Variants in LRP6 observed in about 807,000 individuals in gnomAD.
LRP6 encodes the protein LDL receptor related protein 6, also known as low-density lipoprotein receptor-related protein 6.
A neutral mutation model predicts 184.1 loss-of-function variants in LRP6; 43 were observed. The observed-to-expected ratio is 0.23, with a 90% CI of 0.18 to 0.30. The LOEUF (loss-of-function observed/expected upper bound fraction) is 0.30. LRP6 is among the 10% of genes least tolerant of loss of function. The pLI is 1.00. For synonymous variants in LRP6, 719 were observed against 684.9 expected (o/e 1.05, Z -0.78); for missense variants, 1,571 against 2,005.3 (o/e 0.78, Z 4.14).
chr12:12,160,413 T>C (rs992878803), intron 10 of LRP6, among the ~76,000 whole-genome samples: 1 of 152,234 alleles, frequency 6.6e-6, no homozygotes, highest in Non-Finnish European at 1.5e-5. Context: ...TGTAATCAAC[T>C]CTTCCTCAAA....
intron 1 of LRP6, among the ~76,000 whole-genome samples, chr12:12,248,257 C>A (rs144386224): frequency 1.3e-5 from 2 of 152,050 alleles, no homozygotes; most frequent in African/African-American, 4.8e-5. Flanking sequence ...AGGTTCCTTG[C>A]TATTGTTTTG....
At chr12:12,209,491 C>A (rs755801818) in intron 2 of LRP6, among the ~76,000 whole-genome samples, 16 of 152,088 alleles carry the variant, frequency 1.1e-4, no homozygotes, top group Non-Finnish European at 2.2e-4. Context: ...AGGCATTTGT[C>A]AGATGAGAAC....
chr12:12,121,655 C>T (rs935519281), intron 22 of LRP6, among the ~76,000 whole-genome samples: 1 of 152,118 alleles, frequency 6.6e-6, no homozygotes, highest in East Asian at 1.9e-4. Context: ...GATGGGAATG[C>T]AGAGGTGAAT....
intron 7 of LRP6, among the ~76,000 whole-genome samples, chr12:12,170,911 G>A (rs1863019318): frequency 6.6e-6 from 1 of 151,730 alleles, no homozygotes; most frequent in African/African-American, 2.4e-5. Flanking sequence ...TAAGAGGTTA[G>A]TTAGAAGGAG....
At chr12:12,248,112 T>C (rs1030886061) in intron 1 of LRP6, among the ~76,000 whole-genome samples, 2 of 152,146 alleles carry the variant, frequency 1.3e-5, no homozygotes, top group Non-Finnish European at 2.9e-5. Context: ...CCTTACCTTG[T>C]CCTCAGTCTC....
At chr12:12,196,912 C>T (rs952402019) in intron 3 of LRP6, among the ~76,000 whole-genome samples, 6 of 152,100 alleles carry the variant, frequency 3.9e-5, no homozygotes, top group South Asian at 2.1e-4. Flanking sequence ...TAGACCCATT[C>T]GTTCACCAAA....
intron 2 of LRP6, among the ~76,000 whole-genome samples, chr12:12,232,645 T>G (rs1331217856): frequency 1.4e-5 from 2 of 146,714 alleles, no homozygotes; most frequent in African/African-American, 5.0e-5. Flanking sequence ...AACAACTTGA[T>G]AGAGATTATA....
At position 12,164,645 on chromosome 12, in the gene LRP6, C is replaced by T. The variant is rs1188005591; in HGVS notation, c.1763-83G>A. 25 of 1,373,746 alleles carry T rather than the reference C, an allele frequency of 1.8e-5. 1 individual carries two copies. Among genetic ancestry groups the T allele is most frequent in the South Asian group, 1.1e-4 (9 of 83,438 alleles). The allele number at this position is 1,373,746 out of a possible 1,614,324, so 85.1% of individuals were successfully genotyped here. The stretch of plus-strand genomic sequence containing the variant: ...TATTTTCACTTTTAAATTACTTAAG[C>T]GTTTGGTTCACAAATGCCTATGATT... On this transcript the variant is annotated intron_variant, in intron 8 of 22. Transcript: ENST00000261349.
intron 12 of LRP6, chr12:12,155,857 G>T (rs1026952152): frequency 3.0e-5 from 19 of 635,286 alleles, no homozygotes; most frequent in Non-Finnish European, 5.3e-5. Flanking sequence ...AAAGCTGTTG[G>T]GTAAAACAGC....
chr12:12,181,563 T>C, intron 5 of LRP6, 124 bp from the exon 6 acceptor site: 1 of 696,636 alleles, frequency 1.4e-6, no homozygotes, highest in Non-Finnish European at 2.5e-6. Flanking sequence ...CAAAAGGATG[T>C]GCACTCTCTT....
At chr12:12,194,268 A>C (rs1863694269) in intron 3 of LRP6, among the ~76,000 whole-genome samples, 1 of 152,048 alleles carries the variant, frequency 6.6e-6, no homozygotes. Context: ...CTTTTTTAAA[A>C]AATAAAGCCA....
Position 12,162,198 on chromosome 12 carries a change from G to C in LRP6, c.2274C>G (p.Ala758=). Residue 758 remains alanine (A), a synonymous_variant, in exon 10 of 23, where the codon GCC becomes GCG. Transcript: ENST00000261349. ...DSPRALALDP[A]EGFMYWTEWG... ...GCACATGTAAAGCTGTTTACCCTTC[G>C]GCAGGGTCCAACGCGAGAGCTCTGG... 2.5e-6 allele frequency: 4 copies of C among 1,613,666 alleles called. No individual in the cohort carries two copies. The highest frequency in any genetic ancestry group is 3.4e-6 in the Non-Finnish European group (4 of 1,179,654).
intron 7 of LRP6, among the ~76,000 whole-genome samples, chr12:12,179,411 G>GATATAGATATAGAT (rs1283137397): frequency 2.3e-5 from 2 of 86,170 alleles, no homozygotes; most frequent in African/African-American, 6.2e-5. Flanking sequence ...TATAGATATA[G>GATATAGATATAGAT]ATATAGATAT....
Position 12,183,969 on chromosome 12 carries a change from T to A in LRP6, c.976+11A>T, listed in dbSNP as rs1863405519. The stretch of plus-strand genomic sequence containing the variant: ...TTATAAAATTTTTCATTTTGGATAA[T>A]ATCTTCTTACCATCTTTGCAGGTTT... On this transcript the variant is annotated intron_variant, in intron 5 of 22. Coordinates refer to ENST00000261349, the MANE Select transcript of LRP6 (RefSeq NM_002336.3). The A allele has an allele frequency of 1.2e-6, 2 of 1,611,972 alleles. No individual in the cohort carries two copies. The highest frequency in any genetic ancestry group is 2.7e-5 in the African/African-American group (2 of 74,880).
chr12:12,152,248 A>G (rs962847036), intron 12 of LRP6, among the ~76,000 whole-genome samples: 5 of 152,146 alleles, frequency 3.3e-5, no homozygotes, highest in African/African-American at 1.2e-4. Context: ...CACAATTCTG[A>G]GGCCTCCCCA....
chr12:12,244,237 C>G, intron 2 of LRP6, 25 bp downstream of exon 2: 1 of 1,613,524 alleles, frequency 6.2e-7, no homozygotes, highest in Non-Finnish European at 8.5e-7. Context: ...GTATGATGAT[C>G]TTCGTACACT....
At chr12:12,157,103 C>A (rs1343394080) in intron 12 of LRP6, among the ~76,000 whole-genome samples, 1 of 152,194 alleles carries the variant, frequency 6.6e-6, no homozygotes, top group Non-Finnish European at 1.5e-5. Context: ...TTGAACTATA[C>A]CTTCTCTTTA....
rs2302685 is a variant in LRP6 at position 12,148,964 on chromosome 12, C to T, written c.3184G>A (p.Val1062Ile). Residue 1062 changes from valine to isoleucine, a missense_variant, in exon 14 of 23, where the codon GTT (valine) becomes ATT (isoleucine). Physicochemically the swap from Val to Ile is conservative, Grantham distance 29. Transcript: ENST00000261349. Reference protein sequence around the residue: ...LKGEQDRPRAVVVNPEKGYMY... With the variant: ...LKGEQDRPRAIVVNPEKGYMY... ...TACCCTTTCTCTGGGTTTACCACAA[C>T]GGCTCGAGGTCTGTCCTGCTCGCCT... is the stretch of plus-strand genomic sequence containing the variant. 0.83 allele frequency: 1,332,523 copies of T among 1,612,742 alleles called. 551,676 individuals are homozygous for T. Among genetic ancestry groups the T allele is most frequent in the East Asian group, 0.94 (42,111 of 44,882 alleles).
intron 2 of LRP6, among the ~76,000 whole-genome samples, chr12:12,207,668 G>A (rs1864102053): frequency 6.6e-6 from 1 of 152,156 alleles, no homozygotes; most frequent in Non-Finnish European, 1.5e-5. Context: ...AGACTGCCAA[G>A]AAGAGCCTTA....
Sources: gnomAD v4.1 joint callset for allele counts (sites outside exome capture counted in the v4.1 genomes callset) on GRCh38, gnomAD v4.1.1 for gene constraint, MANE v1.5 for transcripts, NCBI Gene and HGNC (gene_info 2026-07-23, HGNC 2026-07-21) for gene names.